Variants in MACO1 observed in about 807,000 individuals in gnomAD.
MACO1 encodes macoilin.
In MACO1, 14 loss-of-function variants were observed where a neutral mutation model predicts 78.7. The observed-to-expected ratio is 0.18, with a 90% confidence interval of 0.12 to 0.28. The LOEUF (loss-of-function observed/expected upper bound fraction) is 0.28, where lower values mean the gene tolerates loss of function less well. Ranked by LOEUF, MACO1 falls within the 10% of genes least tolerant of loss-of-function variation. The probability of loss-of-function intolerance (pLI) is 1.00; values close to 1 mark genes in which losing one functional copy is unlikely to be tolerated. For missense variants in MACO1, 501 were observed against 799.0 expected, an observed-to-expected ratio of 0.63 and a Z score of 4.50; for synonymous variants, 288 against 291.6, an observed-to-expected ratio of 0.99 and a Z score of 0.12.
Position 25,446,668 on chromosome 1 carries a change from A to AT in MACO1, c.81-87dup. 7.9e-6 allele frequency: 10 copies of AT among 1,269,114 alleles called. No individual in the cohort carries two copies. In the South Asian group the frequency reaches 9.6e-5, roughly 12 times the overall value. The allele number at this position is 1,269,114 out of a possible 1,614,324, so 78.6% of individuals were successfully genotyped here. A position where few individuals can be genotyped will look rare whatever the true frequency, so the allele number is the denominator to read the frequency against. The stretch of plus-strand genomic sequence containing the variant: ...CATTGTTTTCATGATATATGGAGGT[A>AT]TTTTTTTGTCGTTTTAAACAGAAAC... On this transcript the variant is annotated intron_variant, in intron 1 of 10. Coordinates refer to ENST00000374343, the MANE Select transcript of MACO1 (RefSeq NM_018202.6).
intron 3 of MACO1, among the ~76,000 whole-genome samples, chr1:25,452,060 G>A (rs767284695): frequency 6.6e-6 from 1 of 151,882 alleles, no homozygotes; most frequent in Non-Finnish European, 1.5e-5. Context: ...ACTTCACTCA[G>A]GTACTAGGAC....
chr1:25,460,361 A>G (rs540345747), intron 6 of MACO1, among the ~76,000 whole-genome samples: 1 of 151,994 alleles, frequency 6.6e-6, no homozygotes, highest in Non-Finnish European at 1.5e-5. Context: ...AATGCTATAC[A>G]CAAAACATCT....
intron 3 of MACO1, among the ~76,000 whole-genome samples, chr1:25,450,321 A>G (rs1274514699): frequency 6.6e-6 from 1 of 152,176 alleles, no homozygotes; most frequent in Non-Finnish European, 1.5e-5. Context: ...TGACTAGAGT[A>G]GAGCTCCCTA....
At chr1:25,467,200 G>A (rs998742128) in intron 6 of MACO1, among the ~76,000 whole-genome samples, 16 of 152,136 alleles carry the variant, frequency 1.1e-4, no homozygotes, top group Non-Finnish European at 1.5e-4. Flanking sequence ...AGAGGTTGCA[G>A]TAAGCCAAGA....
In MACO1 at chr1:25,485,760, T is replaced by C. The variant is rs748738929; in HGVS notation, c.1461T>C (p.Thr487=). The change falls in exon 8 of 11, where the codon ACT becomes ACC. Residue 487 remains threonine (T), a synonymous_variant. Transcript: ENST00000374343. This position sits in a 1 kb window ranked among gnomAD's most constrained non-coding sequence, Gnocchi z 4.3. ...AGAGGAAGAAGTTAGAAGAAGCCACTGCTGCCCGGGCTGTTGCGTTTGCTG... is the reference window on the plus strand; with the variant it reads ...AGAGGAAGAAGTTAGAAGAAGCCACCGCTGCCCGGGCTGTTGCGTTTGCTG... ...EKKRKKLEEA[T]AARAVAFAAA... The C allele has an allele frequency of 5.0e-6, 8 of 1,614,084 alleles. No homozygotes were observed. The highest frequency in any genetic ancestry group is 6.8e-6 in the Non-Finnish European group (8 of 1,179,994).
chr1:25,479,928 T>A (rs1319560049), intron 6 of MACO1, among the ~76,000 whole-genome samples: 1 of 152,190 alleles, frequency 6.6e-6, no homozygotes, highest in Non-Finnish European at 1.5e-5. Context: ...TATATTTACA[T>A]GTACGAAGAA....
chr1:25,464,716 A>ATGC (rs1186470913), intron 6 of MACO1, among the ~76,000 whole-genome samples: 1 of 146,798 alleles, frequency 6.8e-6, no homozygotes, highest in Non-Finnish European at 1.5e-5. Context: ...GGAGTGCAAG[A>ATGC]TGCTATCTCA....
rs1283469231 is a variant in MACO1 at position 25,499,510 on chromosome 1, T to G, written c.*1044T>G. 1 of 151,884 alleles carries G rather than the reference T, an allele frequency of 6.6e-6. No individual in the cohort carries two copies. Among genetic ancestry groups the G allele is most frequent in the Non-Finnish European group, 1.5e-5 (1 of 67,978 alleles). The allele number at this position is 151,884 out of a possible 1,614,324, so 9.4% of individuals were successfully genotyped here. Reference sequence around the variant, plus strand: ...TTCTCCACTTTTCATCATTTTGTGTTTGATGATTTAAAAGAAGCTTGACTA... The same window carrying G: ...TTCTCCACTTTTCATCATTTTGTGTGTGATGATTTAAAAGAAGCTTGACTA... On this transcript the variant is annotated 3_prime_UTR_variant, in exon 11 of 11. Transcript: ENST00000374343.
intron 2 of MACO1, among the ~76,000 whole-genome samples, chr1:25,447,300 G>C (rs193054611): frequency 5.3e-5 from 8 of 152,234 alleles, no homozygotes; most frequent in Admixed American, 1.3e-4. Flanking sequence ...AGTTAGAGTA[G>C]TGTTTCAAAC....
Position 25,498,366 on chromosome 1 carries a change from C to T in MACO1, c.1895C>T (p.Pro632Leu). ...PSITYSAATSPLSPVSPHYSS... is the reference protein window; with the variant it reads ...PSITYSAATSLLSPVSPHYSS... ...ATAACATACAGTGCCGCCACCAGCC[C>T]CCTGAGCCCTGTTTCCCCCCACTAC... The change falls in exon 11 of 11, where the codon CCC becomes CTC. Residue 632 changes from proline to leucine, a missense_variant. Around this residue, in one of 5 missense-constraint regions of MACO1, gnomAD observed 66 missense variants for 101.6 expected, o/e 0.65. Coordinates refer to ENST00000374343, the MANE Select transcript of MACO1 (RefSeq NM_018202.6). 1 of 1,614,008 alleles carries T rather than the reference C, an allele frequency of 6.2e-7. No homozygotes were observed. The highest frequency in any genetic ancestry group is 8.5e-7 in the Non-Finnish European group (1 of 1,180,000).
intron 8 of MACO1, among the ~76,000 whole-genome samples, chr1:25,488,544 C>T (rs1011043796): frequency 1.3e-5 from 2 of 151,628 alleles, no homozygotes; most frequent in South Asian, 2.1e-4. Context: ...CCCAGGCTAA[C>T]GTGCTGTGAC....
intron 4 of MACO1, among the ~76,000 whole-genome samples, chr1:25,455,584 T>G (rs2043112052): frequency 1.3e-5 from 2 of 152,236 alleles, no homozygotes; most frequent in Admixed American, 6.5e-5. Context: ...TGACAGTGTT[T>G]GCAGAGGCTT....
chr1:25,456,575 A>T, intron 4 of MACO1, 78 bp from the exon 5 acceptor site: 13 of 1,423,452 alleles, frequency 9.1e-6, no homozygotes, highest in Admixed American at 6.8e-5. Context: ...TTTTTAAGCC[A>T]TAGGTATTCT....
chr1:25,466,849 GTTT>G (rs1171797606), intron 6 of MACO1, among the ~76,000 whole-genome samples: 1 of 152,084 alleles, frequency 6.6e-6, no homozygotes, highest in African/African-American at 2.4e-5. Flanking sequence ...TGTTTGTGCA[GTTT>G]TTGTGTCCTG....
chr1:25,447,677 T>C (rs1038272967), intron 2 of MACO1, among the ~76,000 whole-genome samples: 3 of 152,166 alleles, frequency 2.0e-5, no homozygotes, highest in Non-Finnish European at 4.4e-5. Flanking sequence ...TTCCACCATA[T>C]GCATGAGTGA....
At position 25,430,962 on chromosome 1, in the gene MACO1, C is replaced by A. The variant is rs961150320; in HGVS notation, c.-137C>A. On this transcript the variant is annotated 5_prime_UTR_variant, in exon 1 of 11. Coordinates refer to ENST00000374343, the MANE Select transcript of MACO1 (RefSeq NM_018202.6). ...CCCCCTCCCCGTGCTACCCCCTCCC[C>A]CCGGGTGCTGGCTCCATGTCTGTGT... 2 of 503,654 alleles carry A rather than the reference C, an allele frequency of 4.0e-6. No individual in the cohort carries two copies. Among genetic ancestry groups the A allele is most frequent in the African/African-American group, 2.1e-5 (1 of 48,506 alleles). The allele number at this position is 503,654 out of a possible 1,614,324, so 31.2% of individuals were successfully genotyped here. A position where few individuals can be genotyped will look rare whatever the true frequency, so the allele number is the denominator to read the frequency against.
intron 3 of MACO1, among the ~76,000 whole-genome samples, chr1:25,451,054 A>G (rs1194678921): frequency 1.4e-5 from 2 of 141,978 alleles, no homozygotes; most frequent in Non-Finnish European, 2.9e-5. Flanking sequence ...CAGTGTAGCT[A>G]ATGTCATAAA....
chr1:25,448,878 A>G lies in MACO1; in HGVS notation c.293A>G (p.Gln98Arg), dbSNP rs1279091643. Residue 98 changes from glutamine (Q) to arginine (R), a missense_variant, in exon 3 of 11, where the codon CAG becomes CGG. Physicochemically the swap from Gln to Arg is conservative, Grantham distance 43. This residue lies in a region of MACO1 where 171 missense variants were observed against 292.1 expected (regional missense o/e 0.59). Transcript: ENST00000374343. ...NIICLLFIPI[Q>R]WLFFAASTYV... ...ATATGCCTGCTGTTCATCCCCATAC[A>G]GTGGCTTTTTTTTGCTGCTAGCACA... is the stretch of plus-strand genomic sequence containing the variant. 1.3e-6 allele frequency: 2 copies of G among 1,553,998 alleles called. No individual in the cohort carries two copies. Among genetic ancestry groups the G allele is most frequent in the Non-Finnish European group, 1.8e-6 (2 of 1,138,782 alleles).
intron 10 of MACO1, among the ~76,000 whole-genome samples, chr1:25,497,187 C>G (rs1055384157): frequency 6.6e-6 from 1 of 152,012 alleles, no homozygotes; most frequent in Admixed American, 6.6e-5. Flanking sequence ...TCGAGACCAG[C>G]CTGACCAACA....
Sources: allele counts gnomAD v4.1 joint callset (sites outside exome capture counted in the v4.1 genomes callset), GRCh38; gene constraint gnomAD v4.1.1; regional missense constraint gnomAD v4.1.1; non-coding constraint Gnocchi (gnomAD v3.1); transcripts MANE v1.5; gene names NCBI Gene and HGNC (gene_info 2026-07-23, HGNC 2026-07-21).